SF3B1: variants seen among roughly 807,000 people sequenced by gnomAD.
SF3B1 encodes pre-mRNA processing 10.
In SF3B1, 12 loss-of-function variants were observed where a neutral mutation model predicts 153.8. The observed-to-expected ratio is 0.08, with a 90% confidence interval of 0.05 to 0.13. The LOEUF is 0.13. Ranked by LOEUF, SF3B1 falls within the 10% of genes least tolerant of loss-of-function variation. The pLI is 1.00. For synonymous variants in SF3B1, 498 were observed against 525.2 expected (o/e 0.95, Z 0.71); for missense variants, 513 against 1,606.1 (o/e 0.32, Z 11.63).
Position 197,402,420 on chromosome 2 carries a change from C to T in SF3B1, c.2077+136G>A. 1.3e-6 allele frequency: 1 copy of T among 781,444 alleles called. No homozygotes were observed. The highest frequency in any genetic ancestry group is 2.0e-6 in the Non-Finnish European group (1 of 499,460). The allele number at this position is 781,444 out of a possible 1,614,324, so 48.4% of individuals were successfully genotyped here. A position where few individuals can be genotyped will look rare whatever the true frequency, so the allele number is the denominator to read the frequency against. ...TAAACATGGACAGGCTGTGTGTGTA[C>T]CTCTAGTCCCAACTACTAAGGAGGC... On this transcript the variant is annotated intron_variant, in intron 14 of 24. Transcript: ENST00000335508. The surrounding 1 kb of genome is among the most constrained non-coding windows in gnomAD (Gnocchi z 4.6).
intron 4 of SF3B1, chr2:197,419,292 GGT>G: frequency 3.4e-6 from 1 of 297,166 alleles, no homozygotes; most frequent in South Asian, 7.4e-5. Context: ...GAAGCAACGT[GGT>G]GTACAAAGAG....
At chr2:197,399,880 T>A (rs1253240719) in intron 20 of SF3B1, among the ~76,000 whole-genome samples, 175 bp downstream of exon 20, 1 of 152,014 alleles carries the variant, frequency 6.6e-6, no homozygotes, top group African/African-American at 2.4e-5. Flanking sequence ...AAAATATAAA[T>A]GGGTTTTGGG....
chr2:197,403,079 A>G (rs2084951904), intron 12 of SF3B1, 44 bp from the exon 13 acceptor site: 1 of 1,344,324 alleles, frequency 7.4e-7, no homozygotes, highest in Non-Finnish European at 1.1e-6. Context: ...CACATCAATT[A>G]CTGATGAAAT....
rs1302813923 is a variant in SF3B1, at chr2:197,396,226, A to G, written c.3369T>C (p.Cys1123=). 13 of 1,613,970 alleles carry G rather than the reference A, an allele frequency of 8.1e-6. No individual in the cohort carries two copies. Among genetic ancestry groups the G allele is most frequent in the Non-Finnish European group, 1.1e-5 (13 of 1,179,872 alleles). The change falls in exon 23 of 25, where the codon TGT becomes TGC. Residue 1123 remains cysteine (C), a synonymous_variant. Coordinates refer to ENST00000335508, the MANE Select transcript of SF3B1 (RefSeq NM_012433.4). ...TVAIAIVAET[C]SPFTVLPALM... ...AGGCAGGGAGTACTGTAAAGGGTGAACATGTTTCTGCAACAATAGCTATTG... is the reference window on the plus strand; with the variant it reads ...AGGCAGGGAGTACTGTAAAGGGTGAGCATGTTTCTGCAACAATAGCTATTG...
At chr2:197,398,361 C>T in intron 21 of SF3B1, 100 bp downstream of exon 21, 2 of 1,259,708 alleles carry the variant, frequency 1.6e-6, no homozygotes, top group South Asian at 2.5e-5. Flanking sequence ...ATCTTTTACA[C>T]TTATATTAGT....
At chr2:197,411,128 A>T (rs565708847) in intron 6 of SF3B1, among the ~76,000 whole-genome samples, 1 of 152,130 alleles carries the variant, frequency 6.6e-6, no homozygotes, top group African/African-American at 2.4e-5. Context: ...TCTTGGAGAG[A>T]TAAGAGTCTT....
At chr2:197,430,902 C>T (rs2085419051) in intron 1 of SF3B1, among the ~76,000 whole-genome samples, 1 of 152,042 alleles carries the variant, frequency 6.6e-6, no homozygotes, top group African/African-American at 2.4e-5. Context: ...TCAAGCAATC[C>T]TCCTGTCTTG....
chr2:197,405,907 T>G (rs562246848), intron 9 of SF3B1, among the ~76,000 whole-genome samples: 75 of 152,192 alleles, frequency 4.9e-4, no homozygotes, highest in African/African-American at 1.7e-3. Context: ...AAATGTCACA[T>G]AAATTCTTGC....
intron 2 of SF3B1, 26 bp downstream of exon 2, chr2:197,423,782 C>A: frequency 1.2e-6 from 2 of 1,605,246 alleles, no homozygotes; most frequent in South Asian, 1.1e-5. Context: ...AAAATAACTG[C>A]CTCTTGTACA....
At position 197,405,440 on chromosome 2, in the gene SF3B1, A is replaced by T; in HGVS notation, c.1272T>A (p.Ile424=). ...VLPPPAGYVP[I]RTPARKLTAT... is the part of the protein sequence containing the mutation. ...CTGTCAGCTTTCGAGCTGGAGTTCG[A>T]ATAGGAACATAACCAGCTGGAGGAG... Residue 424 remains isoleucine, a synonymous_variant, in exon 10 of 25, where the codon ATT becomes ATA. Transcript: ENST00000335508. 1 of 1,613,710 alleles carries T rather than the reference A, an allele frequency of 6.2e-7. No homozygotes were observed. The highest frequency in any genetic ancestry group is 8.5e-7 in the Non-Finnish European group (1 of 1,179,780).
At chr2:197,403,438 C>G (rs2084956137) in intron 12 of SF3B1, 147 bp downstream of exon 12, 2 of 501,254 alleles carry the variant, frequency 4.0e-6, no homozygotes, top group East Asian at 6.6e-5. Flanking sequence ...AAACTAACAT[C>G]TGTACATCTG....
chr2:197,406,672 TTCTG>T (rs1379858733), intron 9 of SF3B1, among the ~76,000 whole-genome samples: 1 of 152,208 alleles, frequency 6.6e-6, no homozygotes, highest in African/African-American at 2.4e-5. Context: ...CAACAGTAAG[TTCTG>T]TCTATCTATA....
At chr2:197,396,901 AAAT>A (rs2084881229) in intron 22 of SF3B1, among the ~76,000 whole-genome samples, 1 of 152,204 alleles carries the variant, frequency 6.6e-6, no homozygotes, top group African/African-American at 2.4e-5. Context: ...CCACTGAAAT[AAAT>A]ATTATGCTAC....
intron 6 of SF3B1, among the ~76,000 whole-genome samples, chr2:197,412,268 T>G (rs541482865): frequency 1.5e-3 from 222 of 152,216 alleles, no homozygotes; most frequent in Admixed American, 9.0e-3. Context: ...TCTATTGTAA[T>G]TCCTACAATT....
At chr2:197,394,408 C>T (rs755264685) in intron 23 of SF3B1, among the ~76,000 whole-genome samples, 88 of 152,026 alleles carry the variant, frequency 5.8e-4, no homozygotes, top group African/African-American at 1.9e-3. Context: ...TCCCTTCTCA[C>T]GTAAAGTTTA....
At chr2:197,435,032 G>A, upstream of SF3B1, 3 of 1,614,204 alleles carry the variant, frequency 1.9e-6, no homozygotes, top group Non-Finnish European at 2.5e-6. Context: ...CGGAACTGGC[G>A]CTCCCAAGAA....
Position 197,423,775 on chromosome 2 carries a change from AT to A in SF3B1, c.195+32del, listed in dbSNP as rs1308744943. ...TCATATTTCTTGCTCTCTCAAAAAA[AT>A]AACTGCCTCTTGTACATAATTTGTA... On this transcript the variant is annotated intron_variant, in intron 2 of 24. Coordinates refer to ENST00000335508, the MANE Select transcript of SF3B1 (RefSeq NM_012433.4). The A allele has an allele frequency of 2.5e-6, 4 of 1,601,016 alleles. No individual in the cohort carries two copies. The Admixed American group carries it at 5.3e-5, about 21-fold the overall frequency.
At chr2:197,411,501 G>A (rs1313517658) in intron 6 of SF3B1, among the ~76,000 whole-genome samples, 5 of 151,602 alleles carry the variant, frequency 3.3e-5, no homozygotes, top group South Asian at 4.2e-4. Flanking sequence ...GTGAAACCCC[G>A]TCTCTACTAA....
intron 1 of SF3B1, among the ~76,000 whole-genome samples, chr2:197,428,669 G>C (rs1441209000): frequency 1.3e-5 from 2 of 152,214 alleles, no homozygotes; most frequent in African/African-American, 2.4e-5. Flanking sequence ...CAAGACAGTT[G>C]AATCACTTGA....
Sources: gnomAD v4.1 joint callset for allele counts (sites outside exome capture counted in the v4.1 genomes callset) on GRCh38, gnomAD v4.1.1 for gene constraint, Gnocchi (gnomAD v3.1) non-coding constraint, MANE v1.5 for transcripts, NCBI Gene and HGNC (gene_info 2026-07-23, HGNC 2026-07-21) for gene names.